The following GPHN variants were observed in gnomAD, a reference collection of about 807,000 sequenced individuals.
GPHN encodes gephyrin.
A neutral mutation model predicts 95.5 loss-of-function variants in GPHN; 17 were observed. That is an observed-to-expected ratio of 0.18 (90% CI 0.12 to 0.27). The LOEUF (loss-of-function observed/expected upper bound fraction) is 0.27, where lower values mean the gene tolerates loss of function less well. GPHN is among the 10% of genes least tolerant of loss of function. GPHN has a pLI of 1.00. For missense variants in GPHN, 660 were observed against 978.1 expected (o/e 0.67, Z 4.34); for synonymous variants, 320 against 322.5 (o/e 0.99, Z 0.08).
At chr14:67,082,682 G>T (rs2076738502) in intron 11 of GPHN, among the ~76,000 whole-genome samples, 3 of 152,020 alleles carry the variant, frequency 2.0e-5, no homozygotes, top group African/African-American at 7.2e-5. Context: ...TTGGGATTTT[G>T]ATAGGATTGC....
chr14:67,413,867 A>C, the GPHN span, among the ~76,000 whole-genome samples: 2 of 152,136 alleles, frequency 1.3e-5, no homozygotes, highest in Admixed American at 6.5e-5. Flanking sequence ...AAGTACAACA[A>C]CCCCATGAGG....
chr14:66,886,891 G>A (rs1215210842), intron 5 of GPHN, among the ~76,000 whole-genome samples: 2 of 152,178 alleles, frequency 1.3e-5, no homozygotes, highest in African/African-American at 2.4e-5. Flanking sequence ...TTGACAAATT[G>A]CTAGAGGTTC....
At chr14:66,990,051 A>G (rs778058930) in intron 9 of GPHN, among the ~76,000 whole-genome samples, 1 of 152,144 alleles carries the variant, frequency 6.6e-6, no homozygotes, top group Non-Finnish European at 1.5e-5. Context: ...ACAGTTCCAC[A>G]TGGTTTGAGA....
intron 1 of GPHN, among the ~76,000 whole-genome samples, chr14:66,588,711 C>T (rs2061520013): frequency 6.6e-6 from 1 of 152,058 alleles, no homozygotes; most frequent in Admixed American, 6.6e-5. Context: ...GGAAACAAGC[C>T]TCCAAGAAAT....
At chr14:66,634,587 C>T (rs1201457686) in intron 1 of GPHN, among the ~76,000 whole-genome samples, 2 of 151,982 alleles carry the variant, frequency 1.3e-5, no homozygotes, top group Non-Finnish European at 2.9e-5. Context: ...TCAGGCCCTT[C>T]CTGATTGGCC....
intron 2 of GPHN, among the ~76,000 whole-genome samples, chr14:66,687,879 G>A (rs939546533): frequency 1.3e-5 from 2 of 152,152 alleles, no homozygotes; most frequent in African/African-American, 4.8e-5. Flanking sequence ...TAGCTTGTTT[G>A]TGTAGAGATC....
chr14:67,256,881 C>A, the GPHN span, among the ~76,000 whole-genome samples: 2 of 151,770 alleles, frequency 1.3e-5, no homozygotes, highest in African/African-American at 2.4e-5. Flanking sequence ...AATATTGATT[C>A]TTTTTACCAA....
At chr14:66,766,633 G>A in intron 2 of GPHN, among the ~76,000 whole-genome samples, 1 of 151,942 alleles carries the variant, frequency 6.6e-6, no homozygotes, top group East Asian at 1.9e-4. Flanking sequence ...CCCAAAAGAA[G>A]GATGGATAGA....
rs1010449301 is a variant in GPHN, at chr14:66,683,085, G to A, written c.143+1900G>A. Among the ~76,000 whole-genome samples the A allele has an allele frequency of 1.4e-4, 21 of 151,250 alleles. No individual in the cohort carries two copies. In the East Asian group the frequency reaches 2.3e-3, roughly 17 times the overall value. ...TCAGTGTACCTGTCTTAAAACAGCC[G>A]GAAATATCTTAATATAGCATCATTC... On this transcript the variant is annotated intron_variant, in intron 2 of 22. Transcript: ENST00000478722.
chr14:67,338,657 C>G, the GPHN span: 1 of 1,614,100 alleles, frequency 6.2e-7, no homozygotes, highest in Non-Finnish European at 8.5e-7. Flanking sequence ...TCTCTTCAGC[C>G]AGAAGATTAG....
intron 2 of GPHN, among the ~76,000 whole-genome samples, chr14:66,700,104 C>T (rs957989125): frequency 6.6e-6 from 1 of 152,036 alleles, no homozygotes; most frequent in African/African-American, 2.4e-5. Context: ...TGTGGAAAAT[C>T]TACTTACAGA....
intron 2 of GPHN, among the ~76,000 whole-genome samples, chr14:66,710,913 G>A (rs747643786): frequency 1.3e-5 from 2 of 152,132 alleles, no homozygotes; most frequent in Non-Finnish European, 2.9e-5. Flanking sequence ...ACTAATAGAT[G>A]TTAGCTATAA....
chr14:67,572,357 C>A, the GPHN span: 1 of 1,247,406 alleles, frequency 8.0e-7, no homozygotes, highest in Non-Finnish European at 1.1e-6. Context: ...AAGACATAGG[C>A]AGTAGCTGCC....
intron 1 of GPHN, among the ~76,000 whole-genome samples, chr14:66,591,885 A>G (rs1253283856): frequency 6.6e-6 from 1 of 152,226 alleles, no homozygotes. Flanking sequence ...TGGAGGCATC[A>G]TGCTACCTGA....
At chr14:67,439,718 A>G in the GPHN span, among the ~76,000 whole-genome samples, 4 of 152,150 alleles carry the variant, frequency 2.6e-5, no homozygotes, top group African/African-American at 7.2e-5. Context: ...AAAACAACAT[A>G]CACAATGCAG....
At chr14:66,868,747 G>A (rs1452243569) in intron 4 of GPHN, among the ~76,000 whole-genome samples, 1 of 151,968 alleles carries the variant, frequency 6.6e-6, no homozygotes, top group African/African-American at 2.4e-5. Flanking sequence ...TCTTTTTTAA[G>A]GTCATTTTTC....
At chr14:67,278,925 T>G in the GPHN span, 1 of 297,354 alleles carries the variant, frequency 3.4e-6, no homozygotes, top group Non-Finnish European at 6.2e-6. Flanking sequence ...CTTATTATTT[T>G]CTACGTTGTA....
At chr14:67,127,886 A>G (rs1413352978) in intron 17 of GPHN, among the ~76,000 whole-genome samples, 2 of 152,252 alleles carry the variant, frequency 1.3e-5, no homozygotes, top group African/African-American at 4.8e-5. Context: ...CTGTTGAATT[A>G]TCTTTGTCTG....
the GPHN span, chr14:67,590,248 AATTT>A: frequency 1.7e-6 from 2 of 1,178,332 alleles, no homozygotes; most frequent in Non-Finnish European, 1.1e-6. Context: ...TCCACTTGCA[AATTT>A]TTTTTTTTTT....
Sources: allele counts gnomAD v4.1 joint callset (sites outside exome capture counted in the v4.1 genomes callset), GRCh38; gene constraint gnomAD v4.1.1; transcripts MANE v1.5; gene names NCBI Gene and HGNC (gene_info 2026-07-23, HGNC 2026-07-21).